Variants in KDM4C observed in about 807,000 individuals in gnomAD.
KDM4C encodes the protein lysine demethylase 4C, also known as lysine-specific demethylase 4C.
KDM4C carries 81 observed loss-of-function variants against 129.3 expected under a neutral mutation model. The ratio of observed to expected loss-of-function variants is 0.63; its 90% CI spans 0.52 to 0.75. The LOEUF (loss-of-function observed/expected upper bound fraction) is 0.75. KDM4C is among the 30% of genes least tolerant of loss of function. KDM4C has a pLI of 0.00. For synonymous variants in KDM4C, 573 were observed against 456.1 expected (o/e 1.26, Z -3.26); for missense variants, 1,457 against 1,304.0 (o/e 1.12, Z -1.81).
At chr9:7,140,612 A>G (rs1301091209) in intron 19 of KDM4C, among the ~76,000 whole-genome samples, 2 of 152,206 alleles carry the variant, frequency 1.3e-5, no homozygotes, top group African/African-American at 4.8e-5. Flanking sequence ...GCATATGGTC[A>G]TACATGGATT....
chr9:6,786,327 A>G (rs1047798625), intron 1 of KDM4C, among the ~76,000 whole-genome samples: 1 of 152,246 alleles, frequency 6.6e-6, no homozygotes, highest in Non-Finnish European at 1.5e-5. Flanking sequence ...ATGGGTTGTT[A>G]TATGAGTTAG....
intron 15 of KDM4C, among the ~76,000 whole-genome samples, chr9:7,016,397 G>C (rs1823688816): frequency 1.4e-5 from 2 of 146,232 alleles, no homozygotes; most frequent in Non-Finnish European, 3.0e-5. Flanking sequence ...AAAGTGCTGG[G>C]ATTACAGGCG....
At chr9:6,750,952 G>A (rs562508730) in intron 1 of KDM4C, among the ~76,000 whole-genome samples, 1 of 152,290 alleles carries the variant, frequency 6.6e-6, no homozygotes, top group South Asian at 2.1e-4. Flanking sequence ...AGCTGGTGCT[G>A]GCAGTCCACT....
intron 18 of KDM4C, among the ~76,000 whole-genome samples, chr9:7,106,342 T>G (rs1002051841): frequency 6.6e-6 from 1 of 152,264 alleles, no homozygotes; most frequent in African/African-American, 2.4e-5. Context: ...CTGTAGTTTG[T>G]CTGTGTTCTC....
chr9:6,840,649 G>T (rs185519787), intron 4 of KDM4C, among the ~76,000 whole-genome samples: 11 of 152,192 alleles, frequency 7.2e-5, no homozygotes, highest in Non-Finnish European at 1.0e-4. Context: ...CCCCCACTTC[G>T]GCCTCCCAAA....
chr9:6,742,437 A>T (rs990620161), intron 1 of KDM4C, among the ~76,000 whole-genome samples: 2 of 152,078 alleles, frequency 1.3e-5, no homozygotes, highest in African/African-American at 4.8e-5. Flanking sequence ...CAGCCCCCTG[A>T]AACAGAGTTA....
chr9:6,840,066 C>G (rs962700457), intron 4 of KDM4C, among the ~76,000 whole-genome samples: 6 of 151,564 alleles, frequency 4.0e-5, no homozygotes, highest in African/African-American at 1.5e-4. Flanking sequence ...ACTAACTGTT[C>G]TGTTATAATT....
At chr9:7,064,174 A>G (rs1434657894) in intron 17 of KDM4C, among the ~76,000 whole-genome samples, 1 of 152,210 alleles carries the variant, frequency 6.6e-6, no homozygotes, top group African/African-American at 2.4e-5. Context: ...ACCCTTAAAC[A>G]TTTAGTATCC....
rs151308551 is a variant in KDM4C, at chr9:7,110,473, G to C, written c.2610+6603G>C. On this transcript the variant is annotated intron_variant, in intron 18 of 21. Transcript: ENST00000381309. ...ATTAATGCAATTTCTCCTTTCCTAA[G>C]TGATGCCTAAAGATTTGGACCTGTT... Among the ~76,000 whole-genome samples the C allele has an allele frequency of 6.1e-3, 928 of 152,176 alleles. 5 individuals carry two copies. The highest frequency in any genetic ancestry group is 0.022 in the African/African-American group (900 of 41,512).
At chr9:6,893,321 T>A in intron 8 of KDM4C, 89 bp downstream of exon 8, 3 of 1,070,678 alleles carry the variant, frequency 2.8e-6, no homozygotes, top group Non-Finnish European at 3.9e-6. Flanking sequence ...AGCATTTATT[T>A]ATTCTTCCTC....
rs567346059 is a variant in KDM4C at position 6,937,913 on chromosome 9, T to C, written c.922-43012T>C. On this transcript the variant is annotated intron_variant, in intron 8 of 21. Transcript: ENST00000381309. ...TTTTGGTAGCGATGGGGATTCACCA[T>C]GTTGGCCAGGCTGGTCTCGAACTCC... is the stretch of plus-strand genomic sequence containing the variant. 2.0e-5 allele frequency among the ~76,000 whole-genome samples: 3 copies of C among 152,208 alleles called. No homozygotes were observed. The South Asian group carries it at 6.2e-4, about 32-fold the overall frequency.
chr9:7,169,534 A>G (rs951651207), intron 20 of KDM4C, among the ~76,000 whole-genome samples: 1 of 151,872 alleles, frequency 6.6e-6, no homozygotes, highest in Non-Finnish European at 1.5e-5. Flanking sequence ...GGGTTTCACC[A>G]TGTTGGCCAG....
At chr9:7,099,832 T>G (rs1836869895) in intron 17 of KDM4C, among the ~76,000 whole-genome samples, 1 of 152,234 alleles carries the variant, frequency 6.6e-6, no homozygotes, top group Non-Finnish European at 1.5e-5. Flanking sequence ...AGTCCAGTGC[T>G]CTCTAACCTT....
intron 4 of KDM4C, among the ~76,000 whole-genome samples, chr9:6,824,621 C>T (rs1833580161): frequency 7.1e-6 from 1 of 141,830 alleles, no homozygotes; most frequent in Non-Finnish European, 1.5e-5. Context: ...CGTGGTGGCT[C>T]ACGCAAGACT....
chr9:7,075,584 T>C (rs1271605733), intron 17 of KDM4C, among the ~76,000 whole-genome samples: 1 of 152,180 alleles, frequency 6.6e-6, no homozygotes, highest in Non-Finnish European at 1.5e-5. Context: ...ACCCCACTTC[T>C]GCTTTCCACA....
intron 4 of KDM4C, among the ~76,000 whole-genome samples, chr9:6,824,828 C>T (rs760911178): frequency 3.3e-5 from 5 of 151,892 alleles, no homozygotes; most frequent in Non-Finnish European, 5.9e-5. Flanking sequence ...TTACATTTTT[C>T]AAATCTCTTA....
chr9:6,924,656 C>T (rs916810739), intron 8 of KDM4C: 3 of 573,024 alleles, frequency 5.2e-6, no homozygotes, highest in Admixed American at 6.4e-5. Flanking sequence ...ATTATTCCAA[C>T]GTTGAATGTT....
At chr9:6,735,294 C>T (rs947053617) in intron 1 of KDM4C, among the ~76,000 whole-genome samples, 1 of 152,184 alleles carries the variant, frequency 6.6e-6, no homozygotes, top group Admixed American at 6.5e-5. Flanking sequence ...GCGCTGGCAT[C>T]TTTGCCAATC....
At chr9:6,880,594 A>G (rs958009196) in intron 6 of KDM4C, among the ~76,000 whole-genome samples, 3 of 152,156 alleles carry the variant, frequency 2.0e-5, no homozygotes, top group Admixed American at 6.5e-5. Flanking sequence ...CTGAGTAACA[A>G]TACACATGAG....
Sources: gnomAD v4.1 joint callset for allele counts (sites outside exome capture counted in the v4.1 genomes callset) on GRCh38, gnomAD v4.1.1 for gene constraint, MANE v1.5 for transcripts, NCBI Gene and HGNC (gene_info 2026-07-23, HGNC 2026-07-21) for gene names.